RFPL3: variants seen among roughly 807,000 people sequenced by gnomAD.
RFPL3 encodes ret finger protein like 3.
In RFPL3, 8 loss-of-function variants were observed where a neutral mutation model predicts 8.7. That is an observed-to-expected ratio of 0.92 (90% CI 0.54 to 1.66). The LOEUF (loss-of-function observed/expected upper bound fraction) is 1.66, where lower values mean the gene tolerates loss of function less well. RFPL3 is among the 40% of genes most tolerant of loss of function. The pLI is 0.00. For synonymous variants in RFPL3, 145 were observed against 150.5 expected, an observed-to-expected ratio of 0.96 and a Z score of 0.27; for missense variants, 341 against 395.0, an observed-to-expected ratio of 0.86 and a Z score of 1.16.
chr22:32,356,832 G>A (rs765893184), upstream of RFPL3: 24 of 429,258 alleles, frequency 5.6e-5, no homozygotes, highest in South Asian at 2.4e-4. Flanking sequence ...GGTGACTTCC[G>A]TACCCTGGGT....
chr22:32,355,392 C>T (rs1486525767), upstream of RFPL3, among the ~76,000 whole-genome samples: 3 of 152,160 alleles, frequency 2.0e-5, no homozygotes, highest in African/African-American at 7.2e-5. Flanking sequence ...TCTCAGACAG[C>T]AGCTGGAGCC....
Position 32,358,143 on chromosome 22 carries a change from T to TC in RFPL3, c.76dup (p.Leu26ProfsTer117), listed in dbSNP as rs755434202. 5.2e-5 allele frequency: 84 copies of TC among 1,613,932 alleles called. No homozygotes were observed. In the African/African-American group the frequency reaches 1.0e-3, roughly 19 times the overall value. ...GAAATTTTCTTCCCTTGTGTACTTT[T>TC]CCCCTGGCAGTGGACATGGCTGCAC... is the stretch of plus-strand genomic sequence containing the variant. On this transcript the variant is annotated frameshift_variant, in exon 1 of 2. Transcript: ENST00000249007. LOFTEE classifies it high-confidence loss of function.
At chr22:32,359,371 T>G (rs1177697171) in intron 1 of RFPL3, among the ~76,000 whole-genome samples, 2 of 152,300 alleles carry the variant, frequency 1.3e-5, no homozygotes, top group African/African-American at 4.8e-5. Context: ...AAAATCTATA[T>G]TAGTGATCAT....
Position 32,360,270 on chromosome 22 carries a change from C to T in RFPL3, c.392C>T (p.Ala131Val). 1 of 1,613,178 alleles carries T rather than the reference C, an allele frequency of 6.2e-7. No homozygotes were observed. Among genetic ancestry groups the T allele is most frequent in the Non-Finnish European group, 8.5e-7 (1 of 1,179,262 alleles). The change falls in exon 2 of 2, where the codon GCC (alanine) becomes GTC (valine). Residue 131 changes from alanine to valine, a missense_variant. Transcript: ENST00000249007. ...TTCACAGTGGATATGACCTTGGATG[C>T]CGACACAGCCAACAACTTCCTCCTC... ...RKFQVDMTLD[A>V]DTANNFLLIS...
chr22:32,360,373 G>A lies in RFPL3; in HGVS notation c.495G>A (p.Val165=), dbSNP rs1932767847. 5 of 1,613,836 alleles carry A rather than the reference G, an allele frequency of 3.1e-6. No individual in the cohort carries two copies. Among genetic ancestry groups the A allele is most frequent in the Non-Finnish European group, 4.2e-6 (5 of 1,179,876 alleles). The part of the protein sequence containing the change: ...NRQDLAERFD[V]SVCILGSPRF... Reference sequence around the variant, plus strand: ...AAGACCTTGCCGAGAGATTTGACGTGTCCGTTTGCATCCTGGGCTCCCCTC... The same window carrying A: ...AAGACCTTGCCGAGAGATTTGACGTATCCGTTTGCATCCTGGGCTCCCCTC... The change falls in exon 2 of 2, where the codon GTG becomes GTA. Residue 165 remains valine (V), a synonymous_variant. Transcript: ENST00000249007.
intron 1 of RFPL3, 81 bp downstream of exon 1, chr22:32,358,525 TG>T (rs61625826): frequency 0.07 from 106,964 of 1,524,520 alleles, 7,985 homozygotes; most frequent in East Asian, 0.47. Flanking sequence ...TCATTCCACA[TG>T]GGGATTAGCT....
intron 1 of RFPL3, 112 bp from the exon 2 acceptor site, chr22:32,360,140 G>A: frequency 7.2e-7 from 1 of 1,383,108 alleles, no homozygotes; most frequent in South Asian, 1.5e-5. Context: ...TTTGGAGGAA[G>A]AAACAGAATT....
rs1350733627 is a variant in RFPL3, at chr22:32,358,099, A to G, written c.28A>G (p.Asn10Asp). The G allele has an allele frequency of 6.2e-7, 1 of 1,613,844 alleles. No individual in the cohort carries two copies. Among genetic ancestry groups the G allele is most frequent in the African/African-American group, 1.3e-5 (1 of 75,054 alleles). Residue 10 changes from asparagine (N) to aspartate (D), a missense_variant, in exon 1 of 2, where the codon AAC becomes GAC. By Grantham distance (23) the Asn-to-Asp change is conservative (BLOSUM62 1). Coordinates refer to ENST00000249007, the MANE Select transcript of RFPL3 (RefSeq NM_001098535.1). ...GAAAAGGTTGTCACTTGTCACAACT[A>G]ACAGGCTTTCACCTCAAGGAAATTT... MKRLSLVTT[N>D]RLSPQGNFLP...
At position 32,360,658 on chromosome 22, in the gene RFPL3, T is replaced by G; in HGVS notation, c.780T>G (p.Asp260Glu). Residue 260 changes from aspartate to glutamate, a missense_variant, in exon 2 of 2, where the codon GAT (aspartate) becomes GAG (glutamate). Physicochemically the swap from Asp to Glu is conservative, Grantham distance 45. Transcript: ENST00000249007. ...DMGMQNVSFF[D>E]AESGSHVYTF... The stretch of plus-strand genomic sequence containing the variant: ...GCATGCAGAACGTTTCCTTTTTTGA[T>G]GCTGAAAGTGGTTCCCATGTCTATA... 17 of 1,613,566 alleles carry G rather than the reference T, an allele frequency of 1.1e-5. No homozygotes were observed. The highest frequency in any genetic ancestry group is 1.4e-5 in the Non-Finnish European group (17 of 1,179,734).
chr22:32,355,201 C>T (rs1932624163), upstream of RFPL3, among the ~76,000 whole-genome samples: 1 of 152,092 alleles, frequency 6.6e-6, no homozygotes, highest in Admixed American at 6.5e-5. Context: ...GATTGGTTGT[C>T]CTAAGACTTG....
At chr22:32,356,471 C>A, upstream of RFPL3, among the ~76,000 whole-genome samples, 1 of 152,134 alleles carries the variant, frequency 6.6e-6, no homozygotes, top group East Asian at 1.9e-4. Context: ...CCCTTACACA[C>A]ACTAAGAACC....
intron 1 of RFPL3, 120 bp downstream of exon 1, chr22:32,358,564 T>TTCA: frequency 1.4e-6 from 2 of 1,381,888 alleles, no homozygotes; most frequent in Non-Finnish European, 9.9e-7. Flanking sequence ...ATTGAGATGC[T>TTCA]TCATCATCAC....
upstream of RFPL3, among the ~76,000 whole-genome samples, chr22:32,355,085 C>T (rs1266792744): frequency 2.0e-5 from 3 of 152,088 alleles, no homozygotes; most frequent in East Asian, 5.8e-4. Flanking sequence ...CACTTGGCAT[C>T]ATTTATATAT....
chr22:32,358,995 C>T (rs769317307), intron 1 of RFPL3, among the ~76,000 whole-genome samples: 15 of 152,178 alleles, frequency 9.9e-5, no homozygotes, highest in Non-Finnish European at 1.8e-4. Flanking sequence ...CTCATCCATG[C>T]GCCATGGGCT....
At chr22:32,359,600 A>G (rs570277485) in intron 1 of RFPL3, among the ~76,000 whole-genome samples, 11 of 152,184 alleles carry the variant, frequency 7.2e-5, no homozygotes, top group African/African-American at 2.7e-4. Flanking sequence ...ACTTTCAAAT[A>G]CCTTTCTCTT....
chr22:32,356,120 G>C (rs1279354204), upstream of RFPL3, among the ~76,000 whole-genome samples: 3 of 152,148 alleles, frequency 2.0e-5, no homozygotes, highest in Non-Finnish European at 2.9e-5. Flanking sequence ...CTCAGGGCTG[G>C]GGAGCTGGGC....
intron 1 of RFPL3, among the ~76,000 whole-genome samples, chr22:32,359,360 T>C (rs2145869353): frequency 6.6e-6 from 1 of 152,322 alleles, no homozygotes; most frequent in South Asian, 2.1e-4. Flanking sequence ...CTGTGATCTA[T>C]AAAATCTATA....
At chr22:32,355,512 A>G (rs1328441256), upstream of RFPL3, among the ~76,000 whole-genome samples, 1 of 152,030 alleles carries the variant, frequency 6.6e-6, no homozygotes, top group African/African-American at 2.4e-5. Flanking sequence ...TCCTCCAAAG[A>G]AGGCCAGTGA....
At chr22:32,355,075 CACTT>C (rs200475475), upstream of RFPL3, among the ~76,000 whole-genome samples, 1 of 151,110 alleles carries the variant, frequency 6.6e-6, no homozygotes, top group Admixed American at 6.6e-5. Flanking sequence ...AAACTCCCCC[CACTT>C]GGCATCATTT....
Sources: allele counts gnomAD v4.1 joint callset (sites outside exome capture counted in the v4.1 genomes callset), GRCh38; gene constraint gnomAD v4.1.1; transcripts MANE v1.5; gene names NCBI Gene and HGNC (gene_info 2026-07-23, HGNC 2026-07-21).